The following KCNE1 variants were observed in gnomAD, a reference collection of about 807,000 sequenced individuals.
KCNE1 encodes the protein potassium voltage-gated channel subfamily E member 1.
A neutral mutation model predicts 2.9 loss-of-function variants in KCNE1; 1 was observed. The observed-to-expected ratio is 0.34, with a 90% confidence interval of 0.12 to 1.62. The LOEUF (loss-of-function observed/expected upper bound fraction) is 1.62. KCNE1 is among the 40% of genes most tolerant of loss of function. The pLI is 0.36. For synonymous variants in KCNE1, 23 were observed against 65.4 expected, an observed-to-expected ratio of 0.35 and a Z score of 3.13; for missense variants, 45 against 150.5, an observed-to-expected ratio of 0.30 and a Z score of 3.67.
rs1568835425 is a variant in KCNE1, at chr21:34,449,276, G to A, written c.359C>T (p.Thr120Ile). Residue 120 changes from threonine (T) to isoleucine (I), a missense_variant, in exon 4 of 4, where the codon ACA (threonine) becomes ATA (isoleucine). Coordinates refer to ENST00000399286, the MANE Select transcript of KCNE1 (RefSeq NM_000219.6). ...ENHLAIEQPN[T>I]HLPETKPSP Reference sequence around the variant, plus strand: ...GGAAGGCTTCGTCTCAGGAAGGTGTGTGTTGGGTTGTTCTATGGCCAGATG... The same window carrying A: ...GGAAGGCTTCGTCTCAGGAAGGTGTATGTTGGGTTGTTCTATGGCCAGATG... 8.8e-7 allele frequency: 1 copy of A among 1,130,726 alleles called. No homozygotes were observed. The highest frequency in any genetic ancestry group is 1.3e-6 in the Non-Finnish European group (1 of 758,408). 70.0% of individuals were successfully genotyped at this position (1,130,726 alleles called of 1,614,324 possible).
At chr21:34,497,201 G>C (rs191267447) in intron 2 of KCNE1, among the ~76,000 whole-genome samples, 163 of 152,238 alleles carry the variant, frequency 1.1e-3, no homozygotes, top group African/African-American at 3.8e-3. Flanking sequence ...TCTATTCATT[G>C]TGCTAGTTGT....
At position 34,504,909 on chromosome 21, in the gene KCNE1, AG is replaced by A. The variant is rs1433105009; in HGVS notation, c.-162+6191del. On this transcript the variant is annotated intron_variant, in intron 2 of 3. Coordinates refer to ENST00000399286, the MANE Select transcript of KCNE1 (RefSeq NM_000219.6). ...AGGGCTCAGCTTGCGAGGTGGGGGC[AG>A]GGGCAGGAAGATGGGAGGTGACAGC... Among the ~76,000 whole-genome samples, 3 of 152,174 alleles carry A rather than the reference AG, an allele frequency of 2.0e-5. No individual in the cohort carries two copies. The East Asian group carries it at 5.8e-4, about 29-fold the overall frequency.
intron 2 of KCNE1, among the ~76,000 whole-genome samples, chr21:34,502,754 G>A (rs1487178401): frequency 6.6e-6 from 1 of 152,200 alleles, no homozygotes; most frequent in Non-Finnish European, 1.5e-5. Flanking sequence ...ACATGCTAAG[G>A]CAACTGGCCT....
chr21:34,511,273 C>T lies in KCNE1; in HGVS notation c.-334G>A, dbSNP rs891779914. ...TTGAGCTCCAGGCCATGCCATTCAA[C>T]GCCCTCCAGGACAGGCCGAAGGGCT... On this transcript the variant is annotated 5_prime_UTR_variant, in exon 2 of 4. Transcript: ENST00000399286. 3.9e-4 allele frequency: 382 copies of T among 985,456 alleles called. No homozygotes were observed. Among genetic ancestry groups the T allele is most frequent in the African/African-American group, 9.8e-4 (56 of 57,250 alleles). The allele number at this position is 985,456 out of a possible 1,614,324, so 61.0% of individuals were successfully genotyped here.
intron 2 of KCNE1, among the ~76,000 whole-genome samples, chr21:34,505,347 C>T (rs1983417326): frequency 6.6e-6 from 1 of 152,126 alleles, no homozygotes; most frequent in African/African-American, 2.4e-5. Flanking sequence ...GTTGGCCAGG[C>T]TGGTCTGGAA....
intron 2 of KCNE1, among the ~76,000 whole-genome samples, chr21:34,501,240 G>A (rs945536269): frequency 1.1e-4 from 16 of 152,214 alleles, no homozygotes; most frequent in African/African-American, 3.1e-4. Flanking sequence ...GCAGAGAGTA[G>A]GACCGGGTAA....
intron 2 of KCNE1, among the ~76,000 whole-genome samples, chr21:34,500,189 A>G (rs1447870993): frequency 1.3e-5 from 2 of 152,242 alleles, no homozygotes; most frequent in Non-Finnish European, 2.9e-5. Flanking sequence ...TATAACATAC[A>G]TATATATACA....
chr21:34,511,911 T>C (rs150454130), intron 1 of KCNE1, 116 bp downstream of exon 1: 2 of 152,298 alleles, frequency 1.3e-5, no homozygotes, highest in African/African-American at 4.8e-5. Flanking sequence ...GAGCAAAGCA[T>C]GTCCCTCAAG....
In KCNE1 at chr21:34,449,606, G is replaced by A. The variant is rs144917638; in HGVS notation, c.29C>T (p.Thr10Met). MILSNTTAV[T>M]PFLTKLWQET... ...CTGCCACAGCTTGGTCAGAAAGGGC[G>A]TCACCGCTGTGGTGTTAGACAGGAT... The change falls in exon 4 of 4, where the codon ACG becomes ATG. Residue 10 changes from threonine to methionine, a missense_variant. Thr to Met is a moderately conservative substitution (Grantham distance 81, BLOSUM62 -1). Coordinates refer to ENST00000399286, the MANE Select transcript of KCNE1 (RefSeq NM_000219.6). The A allele has an allele frequency of 2.1e-4, 192 of 908,414 alleles. 10 individuals carry two copies. Among genetic ancestry groups the A allele is most frequent in the Middle Eastern group, 1.2e-3 (5 of 4,100 alleles). 56.3% of individuals were successfully genotyped at this position (908,414 alleles called of 1,614,324 possible).
intron 2 of KCNE1, among the ~76,000 whole-genome samples, chr21:34,500,227 C>G (rs577767307): frequency 4.6e-5 from 7 of 152,240 alleles, no homozygotes; most frequent in African/African-American, 1.7e-4. Context: ...TATATACACA[C>G]AGTACTTTCT....
At chr21:34,507,701 C>T (rs1319493773) in intron 2 of KCNE1, among the ~76,000 whole-genome samples, 4 of 152,176 alleles carry the variant, frequency 2.6e-5, no homozygotes, top group Non-Finnish European at 4.4e-5. Flanking sequence ...TTGCTTTAAA[C>T]GGTCCCCTGC....
chr21:34,499,107 C>T (rs1207578241), intron 2 of KCNE1, among the ~76,000 whole-genome samples: 1 of 152,122 alleles, frequency 6.6e-6, no homozygotes, highest in Non-Finnish European at 1.5e-5. Context: ...GTTCTCAGGC[C>T]AATGGGGCTA....
At chr21:34,504,118 A>G (rs1397562294) in intron 2 of KCNE1, among the ~76,000 whole-genome samples, 1 of 152,174 alleles carries the variant, frequency 6.6e-6, no homozygotes, top group Non-Finnish European at 1.5e-5. Flanking sequence ...CCTAGGCCCC[A>G]CATCAATGGG....
In KCNE1 at chr21:34,450,280, T is replaced by C. The variant is rs572244103; in HGVS notation, c.-50-596A>G. On this transcript the variant is annotated intron_variant, in intron 3 of 3. Transcript: ENST00000399286. ...CATACAACTAGTTCCTGGCAGCTTATGCAAGACTAGTCAGACTGGTTGCCC... is the reference window on the plus strand; with the variant it reads ...CATACAACTAGTTCCTGGCAGCTTACGCAAGACTAGTCAGACTGGTTGCCC... Among the ~76,000 whole-genome samples, 37 of 49,544 alleles carry C rather than the reference T, an allele frequency of 7.5e-4. 14 individuals carry two copies. The highest frequency in any genetic ancestry group is 1.2e-3 in the Non-Finnish European group (33 of 28,064). The allele number at this position is 49,544 out of a possible 152,430, so 32.5% of individuals were successfully genotyped here. A position where few individuals can be genotyped will look rare whatever the true frequency, so the allele number is the denominator to read the frequency against.
intron 2 of KCNE1, among the ~76,000 whole-genome samples, chr21:34,506,267 C>T (rs946586635): frequency 1.3e-5 from 2 of 152,184 alleles, no homozygotes; most frequent in Admixed American, 6.5e-5. Flanking sequence ...AGACCAATCA[C>T]GTCTTTGAAA....
chr21:34,506,856 A>C (rs1419451698), intron 2 of KCNE1, among the ~76,000 whole-genome samples: 1 of 152,182 alleles, frequency 6.6e-6, no homozygotes, highest in Non-Finnish European at 1.5e-5. Flanking sequence ...GGGATTGAGC[A>C]GATGTCAGGC....
chr21:34,505,254 C>G (rs1031743186), intron 2 of KCNE1, among the ~76,000 whole-genome samples: 4 of 152,110 alleles, frequency 2.6e-5, no homozygotes, highest in Admixed American at 2.6e-4. Context: ...CTGCCTCAGC[C>G]TCCCAAGTAG....
intron 2 of KCNE1, among the ~76,000 whole-genome samples, chr21:34,500,270 C>T (rs762371240): frequency 1.3e-5 from 2 of 152,118 alleles, no homozygotes; most frequent in Non-Finnish European, 2.9e-5. Context: ...ATAGCAGTCT[C>T]AAAATGATAA....
In KCNE1 at chr21:34,510,960, C is replaced by T. The variant is rs147487640; in HGVS notation, c.-162+141G>A. On this transcript the variant is annotated intron_variant, in intron 2 of 3. Transcript: ENST00000399286. The stretch of plus-strand genomic sequence containing the variant: ...CGTGTGGAGAGTGGGTGTACAAGGC[C>T]AGGGTTTGCCAGGCCCAGGACAGCC... 68 of 176,850 alleles carry T rather than the reference C, an allele frequency of 3.8e-4. 1 individual carries two copies. Among genetic ancestry groups the T allele is most frequent in the Middle Eastern group, 2.9e-3 (1 of 350 alleles). The allele number at this position is 176,850 out of a possible 1,614,324, so 11.0% of individuals were successfully genotyped here. A position where few individuals can be genotyped will look rare whatever the true frequency, so the allele number is the denominator to read the frequency against.
Sources: allele counts gnomAD v4.1 joint callset (sites outside exome capture counted in the v4.1 genomes callset), GRCh38; gene constraint gnomAD v4.1.1; transcripts MANE v1.5; gene names NCBI Gene and HGNC (gene_info 2026-07-23, HGNC 2026-07-21).